The following TRAPPC6A variants were observed in gnomAD, a reference collection of about 807,000 sequenced individuals.
The protein encoded by TRAPPC6A is TRAPP complex subunit 6A.
TRAPPC6A carries 25 observed loss-of-function variants against 20.8 expected under a neutral mutation model. The observed-to-expected ratio is 1.20, with a 90% CI of 0.88 to 1.68. The LOEUF (loss-of-function observed/expected upper bound fraction) is 1.68, where lower values mean the gene tolerates loss of function less well. Among genes scored for constraint, TRAPPC6A ranks in the 40% most tolerant of loss-of-function variants. TRAPPC6A has a pLI of 0.00. For missense variants in TRAPPC6A, 215 were observed against 211.6 expected (o/e 1.02, Z -0.10); for synonymous variants, 96 against 93.3 (o/e 1.03, Z -0.16).
At chr19:45,171,174 C>T (rs1053787602) in intron 1 of TRAPPC6A, among the ~76,000 whole-genome samples, 11 of 152,122 alleles carry the variant, frequency 7.2e-5, no homozygotes, top group African/African-American at 2.4e-4. Context: ...TGGTGGCGCA[C>T]GCCTATAATC....
In TRAPPC6A at chr19:45,172,085, C is replaced by T. The variant is rs1220832259; in HGVS notation, c.84+6050G>A. Among the ~76,000 whole-genome samples, 1 of 151,902 alleles carries T rather than the reference C, an allele frequency of 6.6e-6. No individual in the cohort carries two copies. The highest frequency in any genetic ancestry group is 2.4e-5 in the African/African-American group (1 of 41,286). Reference sequence around the variant, plus strand: ...TTCCTGGCCCCTCTGGCCGGTCCTCCAGTTCACAACCTGTGACAGCCCAGG... The same window carrying T: ...TTCCTGGCCCCTCTGGCCGGTCCTCTAGTTCACAACCTGTGACAGCCCAGG... On this transcript the variant is annotated intron_variant, in intron 1 of 5. Transcript: ENST00000585934. This position sits in a 1 kb window ranked among gnomAD's most constrained non-coding sequence, Gnocchi z 4.2.
At position 45,163,001 on chromosome 19, in the gene TRAPPC6A, A is replaced by AG; in HGVS notation, c.*190dup. ...GCTGCCGAGGCGGGAATCCCACCAC[A>AG]GTCCTGACCGCAGCTGGGACCCCTT... On this transcript the variant is annotated 3_prime_UTR_variant, in exon 6 of 6. Coordinates refer to ENST00000585934, the MANE Select transcript of TRAPPC6A (RefSeq NM_001270891.2). The surrounding 1 kb of genome is among the most constrained non-coding windows in gnomAD (Gnocchi z 5.3). The AG allele has an allele frequency of 1.9e-6, 1 of 540,278 alleles. No individual in the cohort carries two copies. Among genetic ancestry groups the AG allele is most frequent in the South Asian group, 2.6e-5 (1 of 38,852 alleles). The allele number at this position is 540,278 out of a possible 1,614,324, so 33.5% of individuals were successfully genotyped here.
At chr19:45,164,448 G>A (rs189909449) in intron 3 of TRAPPC6A, among the ~76,000 whole-genome samples, 1 of 152,210 alleles carries the variant, frequency 6.6e-6, no homozygotes, top group African/African-American at 2.4e-5. Flanking sequence ...CTGTGCCCTG[G>A]GGAGTGTGGG....
chr19:45,178,219 G>C lies in TRAPPC6A; in HGVS notation c.-1C>G. On this transcript the variant is annotated 5_prime_UTR_variant, in exon 1 of 6. Coordinates refer to ENST00000585934, the MANE Select transcript of TRAPPC6A (RefSeq NM_001270891.2). ...ACTCAAACAACACAGTATCCGCCAT[G>C]CCCCCTCCTCGCACGCCTAAAGATG... The C allele has an allele frequency of 6.3e-7, 1 of 1,593,556 alleles. No individual in the cohort carries two copies. The highest frequency in any genetic ancestry group is 2.3e-5 in the East Asian group (1 of 43,812).
At chr19:45,178,077 C>T in intron 1 of TRAPPC6A, 58 bp downstream of exon 1, 8 of 1,610,640 alleles carry the variant, frequency 5.0e-6, no homozygotes, top group Non-Finnish European at 6.8e-6. Flanking sequence ...GCCCTCCGCT[C>T]TCCCAGAGGC....
intron 1 of TRAPPC6A, among the ~76,000 whole-genome samples, chr19:45,166,455 C>T (rs1384665660): frequency 6.6e-6 from 1 of 151,900 alleles, no homozygotes; most frequent in Non-Finnish European, 1.5e-5. Context: ...GTGATCCGCC[C>T]GCCTTGGCCT....
At chr19:45,171,128 C>T (rs935018535) in intron 1 of TRAPPC6A, among the ~76,000 whole-genome samples, 3 of 152,188 alleles carry the variant, frequency 2.0e-5, no homozygotes, top group African/African-American at 7.2e-5. Context: ...ATGGCAAAAC[C>T]CTGTCTCTAC....
intron 1 of TRAPPC6A, among the ~76,000 whole-genome samples, chr19:45,166,869 T>G (rs1969165846): frequency 1.3e-5 from 2 of 152,134 alleles, no homozygotes; most frequent in African/African-American, 4.8e-5. Flanking sequence ...ATGCGAATTC[T>G]CTGCTTGGCT....
At chr19:45,169,064 C>T (rs1568464633) in intron 1 of TRAPPC6A, among the ~76,000 whole-genome samples, 1 of 152,318 alleles carries the variant, frequency 6.6e-6, no homozygotes, top group East Asian at 1.9e-4. Flanking sequence ...ACAGCAGGGC[C>T]GGCCACACAG....
In TRAPPC6A at chr19:45,178,086, G is replaced by T. The variant is rs771328515; in HGVS notation, c.84+49C>A. 5.0e-6 allele frequency: 8 copies of T among 1,611,786 alleles called. No homozygotes were observed. In the East Asian group the frequency reaches 1.1e-4, roughly 23 times the overall value. ...TGACGCGCCCTCCGCTCTCCCAGAG[G>T]CGTTACCTTGGTGGCCCCCGCTTCC... On this transcript the variant is annotated intron_variant, in intron 1 of 5. Transcript: ENST00000585934.
At position 45,173,409 on chromosome 19, in the gene TRAPPC6A, G is replaced by A. The variant is rs1309632051; in HGVS notation, c.84+4726C>T. ...CTGTGCTGTGGGGACAGAGATGAAG[G>A]AGCCACCATCCCTGTCCTCAAGGAG... On this transcript the variant is annotated intron_variant, in intron 1 of 5. Transcript: ENST00000585934. This position sits in a 1 kb window ranked among gnomAD's most constrained non-coding sequence, Gnocchi z 4.8. Among the ~76,000 whole-genome samples the A allele has an allele frequency of 6.6e-6, 1 of 152,062 alleles. No individual in the cohort carries two copies. Among genetic ancestry groups the A allele is most frequent in the African/African-American group, 2.4e-5 (1 of 41,394 alleles).
Position 45,163,461 on chromosome 19 carries a change from T to C in TRAPPC6A, c.449-238A>G, listed in dbSNP as rs1164539323. On this transcript the variant is annotated intron_variant, in intron 5 of 5. Coordinates refer to ENST00000585934, the MANE Select transcript of TRAPPC6A (RefSeq NM_001270891.2). The surrounding 1 kb of genome is among the most constrained non-coding windows in gnomAD (Gnocchi z 5.3). Reference sequence around the variant, plus strand: ...GGCTTCTGTGGTATGCATTGCTCGGTCCTACCCCACGGGGGCCCCGGGGGC... The same window carrying C: ...GGCTTCTGTGGTATGCATTGCTCGGCCCTACCCCACGGGGGCCCCGGGGGC... Among the ~76,000 whole-genome samples the C allele has an allele frequency of 6.6e-6, 1 of 151,908 alleles. No homozygotes were observed. Among genetic ancestry groups the C allele is most frequent in the African/African-American group, 2.4e-5 (1 of 41,358 alleles).
intron 1 of TRAPPC6A, among the ~76,000 whole-genome samples, chr19:45,166,092 A>G (rs981928756): frequency 1.3e-5 from 2 of 148,704 alleles, no homozygotes; most frequent in Non-Finnish European, 1.5e-5. Flanking sequence ...TTTGTATTTC[A>G]TTAGAGACAG....
intron 1 of TRAPPC6A, among the ~76,000 whole-genome samples, chr19:45,166,060 C>A (rs960556946): frequency 6.9e-6 from 1 of 144,764 alleles, no homozygotes; most frequent in Admixed American, 6.9e-5. Context: ...TACAGGGATA[C>A]GCCACCACAC....
rs1969294081 is a variant in TRAPPC6A at position 45,172,876 on chromosome 19, C to T, written c.84+5259G>A. ...CACCTCAGTTTAAACCCGGCTATGG[C>T]TCCCACTGCCTTCGGGATGGAGCCC... is the stretch of plus-strand genomic sequence containing the variant. On this transcript the variant is annotated intron_variant, in intron 1 of 5. Coordinates refer to ENST00000585934, the MANE Select transcript of TRAPPC6A (RefSeq NM_001270891.2). The surrounding 1 kb of genome is among the most constrained non-coding windows in gnomAD (Gnocchi z 4.2). Among the ~76,000 whole-genome samples, 1 of 151,732 alleles carries T rather than the reference C, an allele frequency of 6.6e-6. No individual in the cohort carries two copies. The highest frequency in any genetic ancestry group is 1.5e-5 in the Non-Finnish European group (1 of 68,034).
intron 1 of TRAPPC6A, among the ~76,000 whole-genome samples, chr19:45,168,868 G>A (rs908937672): frequency 3.3e-5 from 5 of 152,208 alleles, no homozygotes; most frequent in African/African-American, 4.8e-5. Context: ...AGGGCCTCAC[G>A]GAGGTGAGGA....
At position 45,173,654 on chromosome 19, in the gene TRAPPC6A, C is replaced by A. The variant is rs910228825; in HGVS notation, c.84+4481G>T. Among the ~76,000 whole-genome samples the A allele has an allele frequency of 1.3e-5, 2 of 152,200 alleles. No individual in the cohort carries two copies. Among genetic ancestry groups the A allele is most frequent in the African/African-American group, 4.8e-5 (2 of 41,442 alleles). On this transcript the variant is annotated intron_variant, in intron 1 of 5. Transcript: ENST00000585934. The surrounding 1 kb of genome is among the most constrained non-coding windows in gnomAD (Gnocchi z 4.8). ...CAGACGCCCTCAGGAAACGGGAGGC[C>A]TGTCTGGTTCAGAGGAACCCTTTTG... is the stretch of plus-strand genomic sequence containing the variant.
At chr19:45,170,820 T>C (rs78626409) in intron 1 of TRAPPC6A, among the ~76,000 whole-genome samples, 15,525 of 152,194 alleles carry the variant, frequency 0.1, 970 homozygotes, top group Middle Eastern at 0.15. Context: ...ATTCAGATCC[T>C]GGCTGAACTG....
At position 45,164,937 on chromosome 19, in the gene TRAPPC6A, C is replaced by T; in HGVS notation, c.186G>A (p.Glu62=). The T allele has an allele frequency of 1.2e-6, 2 of 1,614,178 alleles. No individual in the cohort carries two copies. Among genetic ancestry groups the T allele is most frequent in the African/African-American group, 1.3e-5 (1 of 75,066 alleles). ...LPRETLAFRE[E]LDVLKFLCKD... The stretch of plus-strand genomic sequence containing the variant: ...TGCACAAGAACTTGAGGACATCCAG[C>T]TCCTCCCTGAAGGCCAGCGTCTCCC... The change falls in exon 3 of 6, where the codon GAG becomes GAA. Residue 62 remains glutamate (E), a synonymous_variant. Transcript: ENST00000585934.
Sources: allele counts gnomAD v4.1 joint callset (sites outside exome capture counted in the v4.1 genomes callset), GRCh38; gene constraint gnomAD v4.1.1; non-coding constraint Gnocchi (gnomAD v3.1); transcripts MANE v1.5; gene names NCBI Gene and HGNC (gene_info 2026-07-23, HGNC 2026-07-21).